MAN2B1: variants seen among roughly 807,000 people sequenced by gnomAD.
The protein encoded by MAN2B1 is lysosomal alpha-mannosidase.
MAN2B1 carries 99 observed loss-of-function variants against 127.5 expected under a neutral mutation model. That is an observed-to-expected ratio of 0.78 (90% CI 0.66 to 0.92). The LOEUF is 0.92. Ranked by LOEUF, MAN2B1 falls within the 40% of genes least tolerant of loss-of-function variation. The pLI is 0.00. For missense variants in MAN2B1, 1,304 were observed against 1,384.8 expected (o/e 0.94, Z 0.93); for synonymous variants, 573 against 568.8 (o/e 1.01, Z -0.11).
At position 12,647,380 on chromosome 19, in the gene MAN2B1, G is replaced by A. The variant is rs771531945; in HGVS notation, c.2821-45C>T. 1 of 1,612,016 alleles carries A rather than the reference G, an allele frequency of 6.2e-7. No homozygotes were observed. Among genetic ancestry groups the A allele is most frequent in the Non-Finnish European group, 8.5e-7 (1 of 1,178,058 alleles). ...CCCAGATGAGTTGGGGCAAAGCCAG[G>A]TTTCTCTTCTCTCCCTCTCTCTTGC... On this transcript the variant is annotated intron_variant, in intron 22 of 23. Transcript: ENST00000456935. This position sits in a 1 kb window ranked among gnomAD's most constrained non-coding sequence, Gnocchi z 4.9.
intron 5 of MAN2B1, 35 bp from the exon 6 acceptor site, chr19:12,663,497 C>G: frequency 3.7e-6 from 6 of 1,610,660 alleles, no homozygotes; most frequent in Non-Finnish European, 4.2e-6. Flanking sequence ...GGTGGCCCAT[C>G]ACCCAGACCT....
chr19:12,659,297 C>CTT (rs34781385), intron 7 of MAN2B1, among the ~76,000 whole-genome samples: 116 of 113,924 alleles, frequency 1.0e-3, no homozygotes, highest in East Asian at 1.7e-3. Context: ...GCTCAATAAA[C>CTT]TTTTTTTTTT....
At chr19:12,652,013 C>T in intron 16 of MAN2B1, 140 bp downstream of exon 16, 5 of 751,608 alleles carry the variant, frequency 6.7e-6, no homozygotes, top group Non-Finnish European at 9.7e-6. Flanking sequence ...ATTTCCCCCG[C>T]TGATCTGTGG....
At chr19:12,659,297 CTTTTTTTTTT>C (rs34781385) in intron 7 of MAN2B1, among the ~76,000 whole-genome samples, 2 of 113,936 alleles carry the variant, frequency 1.8e-5, no homozygotes, top group African/African-American at 3.5e-5. Context: ...GCTCAATAAA[CTTTTTTTTTT>C]TTTTTTTTTT....
chr19:12,656,530 G>C, intron 13 of MAN2B1, 41 bp downstream of exon 13: 1 of 1,416,384 alleles, frequency 7.1e-7, no homozygotes, highest in South Asian at 1.1e-5. Context: ...GCCCACTGGG[G>C]GAGGAGTCCC....
chr19:12,656,177 T>G, intron 13 of MAN2B1: 1 of 451,774 alleles, frequency 2.2e-6, no homozygotes, highest in Non-Finnish European at 4.0e-6. Flanking sequence ...GGGAGGACGT[T>G]TTCTGGAATG....
chr19:12,664,818 G>T lies in MAN2B1; in HGVS notation c.604C>A (p.Arg202=), dbSNP rs1024510764. ...AWHIDPFGHS[R]EQASLFAQMG... ...TGCGCAAACAGCGAGGCCTGCTCCC[G>T]AGAGTGGCCGAAGGGGTCAATGTGC... is the stretch of plus-strand genomic sequence containing the variant. Residue 202 remains arginine (R), a synonymous_variant, in exon 4 of 24, where the codon CGG becomes AGG. Coordinates refer to ENST00000456935, the MANE Select transcript of MAN2B1 (RefSeq NM_000528.4). 1 of 1,613,454 alleles carries T rather than the reference G, an allele frequency of 6.2e-7. No individual in the cohort carries two copies. Among genetic ancestry groups the T allele is most frequent in the Admixed American group, 1.7e-5 (1 of 59,944 alleles).
At chr19:12,657,638 G>A in intron 10 of MAN2B1, 83 bp from the exon 11 acceptor site, 1 of 1,231,162 alleles carries the variant, frequency 8.1e-7, no homozygotes, top group Non-Finnish European at 1.2e-6. Flanking sequence ...GGTGCTGGCG[G>A]GCAGGATTCT....
chr19:12,665,849 G>A (rs1031716099), intron 1 of MAN2B1, 44 bp from the exon 2 acceptor site: 3 of 1,488,196 alleles, frequency 2.0e-6, no homozygotes, highest in Non-Finnish European at 1.9e-6. Context: ...AATAACCCCC[G>A]AGGTCGGGGG....
rs1013930878 is a variant in MAN2B1 at position 12,657,371 on chromosome 19, T to C, written c.1419+75A>G. On this transcript the variant is annotated intron_variant, in intron 11 of 23. Coordinates refer to ENST00000456935, the MANE Select transcript of MAN2B1 (RefSeq NM_000528.4). ...CTCGGCTACGCCTCACACCTGTCTC[T>C]GTCCCCTTTCCCAGGCCCTGGCCCC... is the stretch of plus-strand genomic sequence containing the variant. The C allele has an allele frequency of 1.5e-5, 20 of 1,321,424 alleles. No homozygotes were observed. In the Middle Eastern group the frequency reaches 7.7e-4, roughly 51 times the overall value. The allele number at this position is 1,321,424 out of a possible 1,614,324, so 81.9% of individuals were successfully genotyped here.
rs1264311253 is a variant in MAN2B1, at chr19:12,647,114, G to GC, written c.2923+118dup. ...AGCCCCTAACCTGGGTCTGGACTCT[G>GC]CCCCATACCCTCATGACCTTTTTGG... On this transcript the variant is annotated intron_variant, in intron 23 of 23. Coordinates refer to ENST00000456935, the MANE Select transcript of MAN2B1 (RefSeq NM_000528.4). The surrounding 1 kb of genome is among the most constrained non-coding windows in gnomAD (Gnocchi z 4.9). 2 of 955,352 alleles carry GC rather than the reference G, an allele frequency of 2.1e-6. No individual in the cohort carries two copies. Among genetic ancestry groups the GC allele is most frequent in the Admixed American group, 1.7e-5 (1 of 57,456 alleles). 59.2% of individuals were successfully genotyped at this position (955,352 alleles called of 1,614,324 possible).
chr19:12,649,853 C>CCCCCCCTGGGCCCCCACA, intron 18 of MAN2B1, 60 bp downstream of exon 18: 1 of 1,346,412 alleles, frequency 7.4e-7, no homozygotes, highest in Non-Finnish European at 1.1e-6. Context: ...ATTTCCCTCA[C>CCCCCCCTGGGCCCCCACA]CACCCCTGGG....
At position 12,663,823 on chromosome 19, in the gene MAN2B1, C is replaced by T. The variant is rs1454706230; in HGVS notation, c.643G>A (p.Gly215Ser). 3.1e-6 allele frequency: 5 copies of T among 1,614,152 alleles called. No homozygotes were observed. Among genetic ancestry groups the T allele is most frequent in the Admixed American group, 1.7e-5 (1 of 60,018 alleles). ...TAATCAAGGCGCCCAAAGAAGAAGC[C>T]GTCGAAGCCCATCTGGGGATGAGGG... ...ASLFAQMGFD[G>S]FFFGRLDYQD... Residue 215 changes from glycine to serine, a missense_variant, in exon 5 of 24, where the codon GGC (glycine) becomes AGC (serine). Transcript: ENST00000456935.
chr19:12,647,452 C>G lies in MAN2B1; in HGVS notation c.2811G>C (p.Leu937Phe), dbSNP rs761768804. The change falls in exon 22 of 24, where the codon TTG becomes TTC. Residue 937 changes from leucine to phenylalanine, a missense_variant. Physicochemically the swap from Leu to Phe is conservative, Grantham distance 22 (BLOSUM62 0). Transcript: ENST00000456935. The surrounding 1 kb of genome is among the most constrained non-coding windows in gnomAD (Gnocchi z 4.9). ...SGRNLSAPVT[L>F]NLRDLFSTFT... Reference sequence around the variant, plus strand: ...ATTTTGCCCTTCTCACCCTCAAGTTCAAGGTAACGGGGGCGCTCAGGTTAC... The same window carrying G: ...ATTTTGCCCTTCTCACCCTCAAGTTGAAGGTAACGGGGGCGCTCAGGTTAC... 8 of 1,614,206 alleles carry G rather than the reference C, an allele frequency of 5.0e-6. No individual in the cohort carries two copies. The highest frequency in any genetic ancestry group is 4.4e-5 in the South Asian group (4 of 91,090).
At position 12,663,247 on chromosome 19, in the gene MAN2B1, T is replaced by C. The variant is rs539427747; in HGVS notation, c.909+70A>G. Reference sequence around the variant, plus strand: ...AAAATAAGGAGAACGTGTTAGGGGATGCCTGTACCATGGAAAGAGCTCATT... The same window carrying C: ...AAAATAAGGAGAACGTGTTAGGGGACGCCTGTACCATGGAAAGAGCTCATT... On this transcript the variant is annotated intron_variant, in intron 6 of 23. Coordinates refer to ENST00000456935, the MANE Select transcript of MAN2B1 (RefSeq NM_000528.4). 2.9e-5 allele frequency: 46 copies of C among 1,562,156 alleles called. No individual in the cohort carries two copies. In the South Asian group the frequency reaches 5.1e-4, roughly 17 times the overall value.
chr19:12,654,339 G>GC (rs1260594992), intron 14 of MAN2B1, among the ~76,000 whole-genome samples: 2 of 152,074 alleles, frequency 1.3e-5, no homozygotes, highest in South Asian at 2.1e-4. Context: ...ACCGCGCCCG[G>GC]CCCCCCCAAC....
chr19:12,663,287 G>A (rs757435344), intron 6 of MAN2B1, 30 bp downstream of exon 6: 38 of 1,613,378 alleles, frequency 2.4e-5, no homozygotes, highest in Admixed American at 5.0e-5. Flanking sequence ...TGTATATACC[G>A]GACTCGAAGG....
rs746195678 is a variant in MAN2B1 at position 12,665,035 on chromosome 19, G to C, written c.437-50C>G. 16 of 1,532,990 alleles carry C rather than the reference G, an allele frequency of 1.0e-5. No individual in the cohort carries two copies. The South Asian group carries it at 1.8e-4, about 17-fold the overall frequency. The allele number at this position is 1,532,990 out of a possible 1,614,324, so 95.0% of individuals were successfully genotyped here. On this transcript the variant is annotated intron_variant, in intron 3 of 23. Transcript: ENST00000456935. ...GGTCAGCGGTCAGAGCCAGGAGTGG[G>C]AGTAGGGTGGGTGATACTGGGAATG...
Position 12,649,960 on chromosome 19 carries a change from C to G in MAN2B1, c.2220G>C (p.Lys740Asn). 1 of 1,614,030 alleles carries G rather than the reference C, an allele frequency of 6.2e-7. No individual in the cohort carries two copies. The highest frequency in any genetic ancestry group is 8.5e-7 in the Non-Finnish European group (1 of 1,180,008). The part of the protein sequence containing the change: ...ISRFDTPLET[K>N]GRFYTDSNGR... ...CATTGCTGTCTGTGTAGAAGCGTCC[C>G]TTTGTCTCCAGCGGTGTGTCAAAAC... Residue 740 changes from lysine to asparagine, a missense_variant, in exon 18 of 24, where the codon AAG becomes AAC. Physicochemically the swap from Lys to Asn is moderately conservative, Grantham distance 94 (BLOSUM62 0). Coordinates refer to ENST00000456935, the MANE Select transcript of MAN2B1 (RefSeq NM_000528.4).
Sources: allele counts gnomAD v4.1 joint callset (sites outside exome capture counted in the v4.1 genomes callset), GRCh38; gene constraint gnomAD v4.1.1; non-coding constraint Gnocchi (gnomAD v3.1); transcripts MANE v1.5; gene names NCBI Gene and HGNC (gene_info 2026-07-23, HGNC 2026-07-21).